The following TUBA1A variants were observed in gnomAD, a reference collection of about 807,000 sequenced individuals.
The protein encoded by TUBA1A is tubulin alpha-1A chain.
In TUBA1A, 7 loss-of-function variants were observed where a neutral mutation model predicts 34.6. The ratio of observed to expected loss-of-function variants is 0.20; its 90% CI spans 0.11 to 0.38. The LOEUF (loss-of-function observed/expected upper bound fraction) is 0.38, where lower values mean the gene tolerates loss of function less well. TUBA1A is among the 10% of genes least tolerant of loss of function. TUBA1A has a pLI of 1.00. For missense variants in TUBA1A, 19 were observed against 581.3 expected, an observed-to-expected ratio of 0.03 and a Z score of 9.95; for synonymous variants, 193 against 210.2, an observed-to-expected ratio of 0.92 and a Z score of 0.71.
rs1045671082 is a variant in TUBA1A at position 49,188,388 on chromosome 12, C to T, written c.3+589G>A. 1 of 1,535,738 alleles carries T rather than the reference C, an allele frequency of 6.5e-7. No individual in the cohort carries two copies. The highest frequency in any genetic ancestry group is 1.2e-5 in the South Asian group (1 of 84,054). The stretch of plus-strand genomic sequence containing the variant: ...CCCGCCCCTGCGCCGCCCTGACACC[C>T]GCTGCCGGGGGCTCCGGCAGAAACT... On this transcript the variant is annotated intron_variant, in intron 1 of 3. Transcript: ENST00000301071. This position sits in a 1 kb window ranked among gnomAD's most constrained non-coding sequence, Gnocchi z 4.9.
chr12:49,188,676 T>C lies in TUBA1A; in HGVS notation c.3+301A>G. 3 of 1,437,398 alleles carry C rather than the reference T, an allele frequency of 2.1e-6. No individual in the cohort carries two copies. Among genetic ancestry groups the C allele is most frequent in the Non-Finnish European group, 2.7e-6 (3 of 1,102,712 alleles). The allele number at this position is 1,437,398 out of a possible 1,614,324, so 89.0% of individuals were successfully genotyped here. A position where few individuals can be genotyped will look rare whatever the true frequency, so the allele number is the denominator to read the frequency against. Reference sequence around the variant, plus strand: ...AGCCGGGACGCCCCAGACCCCTCGGTCGCGGCAGACGGGCTGCCCGCGGCC... The same window carrying C: ...AGCCGGGACGCCCCAGACCCCTCGGCCGCGGCAGACGGGCTGCCCGCGGCC... On this transcript the variant is annotated intron_variant, in intron 1 of 3. Transcript: ENST00000301071. This position sits in a 1 kb window ranked among gnomAD's most constrained non-coding sequence, Gnocchi z 4.9.
At position 49,185,688 on chromosome 12, in the gene TUBA1A, G is replaced by A; in HGVS notation, c.678C>T (p.Asn226=). 1 of 1,614,058 alleles carries A rather than the reference G, an allele frequency of 6.2e-7. No individual in the cohort carries two copies. The highest frequency in any genetic ancestry group is 8.5e-7 in the Non-Finnish European group (1 of 1,179,952). The part of the protein sequence containing the change: ...NLDIERPTYT[N]LNRLIGQIVS... ...CAATTTGACCTATTAACCTATTCAG[G>A]TTAGTATAGGTTGGACGCTCAATAT... is the stretch of plus-strand genomic sequence containing the variant. The change falls in exon 4 of 4, where the codon AAC becomes AAT. Residue 226 remains asparagine (N), a synonymous_variant. Coordinates refer to ENST00000301071, the MANE Select transcript of TUBA1A (RefSeq NM_006009.4).
chr12:49,188,492 G>A lies in TUBA1A; in HGVS notation c.3+485C>T. On this transcript the variant is annotated intron_variant, in intron 1 of 3. Transcript: ENST00000301071. The surrounding 1 kb of genome is among the most constrained non-coding windows in gnomAD (Gnocchi z 4.9). The stretch of plus-strand genomic sequence containing the variant: ...GGAGGGTCTTCCCACGCTAACCCTA[G>A]GCTGCGCTTTGTTCCCGTTCCCCCT... 2 of 1,530,514 alleles carry A rather than the reference G, an allele frequency of 1.3e-6. No homozygotes were observed. The highest frequency in any genetic ancestry group is 8.7e-7 in the Non-Finnish European group (1 of 1,143,240). The allele number at this position is 1,530,514 out of a possible 1,614,324, so 94.8% of individuals were successfully genotyped here.
chr12:49,186,302 A>T lies in TUBA1A; in HGVS notation c.375+8T>A. 1.2e-6 allele frequency: 2 copies of T among 1,613,060 alleles called. No individual in the cohort carries two copies. Among genetic ancestry groups the T allele is most frequent in the Non-Finnish European group, 8.5e-7 (1 of 1,180,032 alleles). On this transcript the variant is annotated splice_region_variant and intron_variant, in intron 3 of 3. Transcript: ENST00000301071. This position sits in a 1 kb window ranked among gnomAD's most constrained non-coding sequence, Gnocchi z 6.6. ...ATTAATTTACTTTATTCTTGAAAAG[A>T]AACATACCAGCTTGCGAATTCGGTC...
rs544713824 is a variant in TUBA1A, at chr12:49,185,823, T to C, written c.543A>G (p.Val181=). The C allele has an allele frequency of 1.2e-5, 19 of 1,613,772 alleles. No individual in the cohort carries two copies. The highest frequency in any genetic ancestry group is 2.7e-5 in the African/African-American group (2 of 74,884). ...IYPAPQVSTA[V]VEPYNSILTT... ...TGAGGATGGAGTTGTAGGGCTCAAC[T>C]ACAGCTGTGGAAACCTGGGGCGCCG... The change falls in exon 4 of 4, where the codon GTA becomes GTG. Residue 181 remains valine, a synonymous_variant. Transcript: ENST00000301071.
At position 49,188,499 on chromosome 12, in the gene TUBA1A, C is replaced by G; in HGVS notation, c.3+478G>C. ...CTTCCCACGCTAACCCTAGGCTGCGCTTTGTTCCCGTTCCCCCTCCCACGT... is the reference window on the plus strand; with the variant it reads ...CTTCCCACGCTAACCCTAGGCTGCGGTTTGTTCCCGTTCCCCCTCCCACGT... On this transcript the variant is annotated intron_variant, in intron 1 of 3. Transcript: ENST00000301071. The surrounding 1 kb of genome is among the most constrained non-coding windows in gnomAD (Gnocchi z 4.9). 6.5e-7 allele frequency: 1 copy of G among 1,527,112 alleles called. No individual in the cohort carries two copies. The highest frequency in any genetic ancestry group is 1.2e-5 in the South Asian group (1 of 83,674). The allele number at this position is 1,527,112 out of a possible 1,614,324, so 94.6% of individuals were successfully genotyped here.
chr12:49,188,351 GAAAC>G lies in TUBA1A; in HGVS notation c.3+622_3+625del, dbSNP rs893176067. 189 of 1,533,428 alleles carry G rather than the reference GAAAC, an allele frequency of 1.2e-4. 2 individuals are homozygous for G. The East Asian group carries it at 3.1e-3, about 25-fold the overall frequency. The allele number at this position is 1,533,428 out of a possible 1,614,324, so 95.0% of individuals were successfully genotyped here. A position where few individuals can be genotyped will look rare whatever the true frequency, so the allele number is the denominator to read the frequency against. On this transcript the variant is annotated intron_variant, in intron 1 of 3. Transcript: ENST00000301071. The surrounding 1 kb of genome is among the most constrained non-coding windows in gnomAD (Gnocchi z 4.9). ...AGTGGCTCCAACGCCATAGAAGCCAGAAACAAACAACCCCGCCCCTGCGCCGCCC... is the reference window on the plus strand; with the variant it reads ...AGTGGCTCCAACGCCATAGAAGCCAGAAACAACCCCGCCCCTGCGCCGCCC...
intron 1 of TUBA1A, chr12:49,187,290 T>G: frequency 9.3e-7 from 1 of 1,075,172 alleles, no homozygotes; most frequent in South Asian, 2.6e-5. Context: ...AGCCACACCC[T>G]TCTGCAGTCT....
Position 49,186,382 on chromosome 12 carries a change from A to G in TUBA1A, c.303T>C (p.Asn101=). ...QLITGKEDAA[N]NYARGHYTIG... ...TGGTGTAGTGCCCTCGGGCATAGTT[A>G]TTGGCAGCATCTTCTTTGCCTGTGA... is the stretch of plus-strand genomic sequence containing the variant. The change falls in exon 3 of 4, where the codon AAT becomes AAC. Residue 101 remains asparagine (N), a synonymous_variant. Coordinates refer to ENST00000301071, the MANE Select transcript of TUBA1A (RefSeq NM_006009.4). This position sits in a 1 kb window ranked among gnomAD's most constrained non-coding sequence, Gnocchi z 6.6. The G allele has an allele frequency of 6.2e-7, 1 of 1,613,572 alleles. No homozygotes were observed. The highest frequency in any genetic ancestry group is 8.5e-7 in the Non-Finnish European group (1 of 1,179,960).
At chr12:49,187,297 G>A (rs1324062507) in intron 1 of TUBA1A, 2 of 1,072,314 alleles carry the variant, frequency 1.9e-6, no homozygotes, top group African/African-American at 3.4e-5. Flanking sequence ...CCCTTCTGCA[G>A]TCTGTCTGCA....
intron 1 of TUBA1A, chr12:49,187,060 C>T: frequency 7.0e-7 from 1 of 1,422,756 alleles, no homozygotes; most frequent in Non-Finnish European, 9.1e-7. Context: ...GCACGTGGTA[C>T]CAGCCCATTG....
intron 1 of TUBA1A, chr12:49,187,562 G>A (rs948055311): frequency 2.0e-6 from 2 of 984,796 alleles, no homozygotes; most frequent in Non-Finnish European, 2.4e-6. Context: ...GGGATGCGGA[G>A]TATAATTCTT....
In TUBA1A at chr12:49,188,611, C is replaced by T; in HGVS notation, c.3+366G>A. 4 of 1,444,458 alleles carry T rather than the reference C, an allele frequency of 2.8e-6. No homozygotes were observed. Among genetic ancestry groups the T allele is most frequent in the Non-Finnish European group, 2.7e-6 (3 of 1,102,544 alleles). 89.5% of individuals were successfully genotyped at this position (1,444,458 alleles called of 1,614,324 possible). ...GAACAACGCGAGACAGAAAGTGGCC[C>T]CTCAGCATCAGCGAAACCGTGCGCA... On this transcript the variant is annotated intron_variant, in intron 1 of 3. Transcript: ENST00000301071. This position sits in a 1 kb window ranked among gnomAD's most constrained non-coding sequence, Gnocchi z 4.9.
In TUBA1A at chr12:49,184,871, T is replaced by A; in HGVS notation, c.*139A>T. ...GCTTGGGTCTGTAACAAAGCATTCA[T>A]GTTTTAGAGCATAGGTCAGTAATTG... On this transcript the variant is annotated 3_prime_UTR_variant, in exon 4 of 4. Coordinates refer to ENST00000301071, the MANE Select transcript of TUBA1A (RefSeq NM_006009.4). 7.1e-7 allele frequency: 1 copy of A among 1,414,414 alleles called. No homozygotes were observed. The highest frequency in any genetic ancestry group is 9.9e-7 in the Non-Finnish European group (1 of 1,005,750). The allele number at this position is 1,414,414 out of a possible 1,614,324, so 87.6% of individuals were successfully genotyped here. A position where few individuals can be genotyped will look rare whatever the true frequency, so the allele number is the denominator to read the frequency against.
chr12:49,184,889 A>G lies in TUBA1A; in HGVS notation c.*121T>C, dbSNP rs1178938678. 1.3e-6 allele frequency: 2 copies of G among 1,506,262 alleles called. No individual in the cohort carries two copies. The highest frequency in any genetic ancestry group is 1.8e-6 in the Non-Finnish European group (2 of 1,084,986). 93.3% of individuals were successfully genotyped at this position (1,506,262 alleles called of 1,614,324 possible). A position where few individuals can be genotyped will look rare whatever the true frequency, so the allele number is the denominator to read the frequency against. The stretch of plus-strand genomic sequence containing the variant: ...GCATTCATGTTTTAGAGCATAGGTC[A>G]GTAATTGTATATGAGAGCATACACT... On this transcript the variant is annotated 3_prime_UTR_variant, in exon 4 of 4. Coordinates refer to ENST00000301071, the MANE Select transcript of TUBA1A (RefSeq NM_006009.4).
intron 1 of TUBA1A, chr12:49,187,865 A>G: frequency 3.2e-6 from 3 of 950,682 alleles, no homozygotes; most frequent in Non-Finnish European, 3.6e-6. Context: ...TGTGGTCTTT[A>G]GGGCTACCAC....
Position 49,186,300 on chromosome 12 carries a change from A to C in TUBA1A, c.375+10T>G. ...TCATTAATTTACTTTATTCTTGAAA[A>C]GAAACATACCAGCTTGCGAATTCGG... On this transcript the variant is annotated intron_variant, in intron 3 of 3. Coordinates refer to ENST00000301071, the MANE Select transcript of TUBA1A (RefSeq NM_006009.4). The surrounding 1 kb of genome is among the most constrained non-coding windows in gnomAD (Gnocchi z 6.6). The C allele has an allele frequency of 6.2e-7, 1 of 1,613,046 alleles. No individual in the cohort carries two copies. The highest frequency in any genetic ancestry group is 8.5e-7 in the Non-Finnish European group (1 of 1,180,044).
Position 49,188,709 on chromosome 12 carries a change from G to A in TUBA1A, c.3+268C>T, listed in dbSNP as rs1209699013. The A allele has an allele frequency of 4.9e-6, 7 of 1,441,044 alleles. No homozygotes were observed. Among genetic ancestry groups the A allele is most frequent in the Non-Finnish European group, 6.3e-6 (7 of 1,104,916 alleles). 89.3% of individuals were successfully genotyped at this position (1,441,044 alleles called of 1,614,324 possible). On this transcript the variant is annotated intron_variant, in intron 1 of 3. Coordinates refer to ENST00000301071, the MANE Select transcript of TUBA1A (RefSeq NM_006009.4). This position sits in a 1 kb window ranked among gnomAD's most constrained non-coding sequence, Gnocchi z 4.9. ...GACGGGCTGCCCGCGGCCCCCGAAA[G>A]TCTCTCGGATAACACAGGCGCCTAG...
chr12:49,185,685 C>A lies in TUBA1A; in HGVS notation c.681G>T (p.Leu227=). Residue 227 remains leucine, a synonymous_variant, in exon 4 of 4, where the codon CTG becomes CTT. Coordinates refer to ENST00000301071, the MANE Select transcript of TUBA1A (RefSeq NM_006009.4). The part of the protein sequence containing the change: ...LDIERPTYTN[L]NRLIGQIVSS... ...ACACAATTTGACCTATTAACCTATT[C>A]AGGTTAGTATAGGTTGGACGCTCAA... 1 of 1,614,064 alleles carries A rather than the reference C, an allele frequency of 6.2e-7. No homozygotes were observed. Among genetic ancestry groups the A allele is most frequent in the Non-Finnish European group, 8.5e-7 (1 of 1,179,964 alleles).
Sources: gnomAD v4.1 joint callset for allele counts on GRCh38, gnomAD v4.1.1 for gene constraint, Gnocchi (gnomAD v3.1) non-coding constraint, MANE v1.5 for transcripts, NCBI Gene and HGNC (gene_info 2026-07-23, HGNC 2026-07-21) for gene names.